The following TYW1 variants were observed in gnomAD, a reference collection of about 807,000 sequenced individuals.
TYW1 encodes tRNA-yW synthesizing protein 1 homolog.
TYW1 carries 46 observed loss-of-function variants against 96.2 expected under a neutral mutation model. The observed-to-expected ratio is 0.48, with a 90% CI of 0.38 to 0.61. The LOEUF (loss-of-function observed/expected upper bound fraction) is 0.61. Ranked by LOEUF, TYW1 falls within the 20% of genes least tolerant of loss-of-function variation. The probability of loss-of-function intolerance (pLI) is 0.00; values close to 1 mark genes in which losing one functional copy is unlikely to be tolerated. For missense variants in TYW1, 684 were observed against 909.6 expected, an observed-to-expected ratio of 0.75 and a Z score of 3.19; for synonymous variants, 274 against 323.0, an observed-to-expected ratio of 0.85 and a Z score of 1.63.
intron 13 of TYW1, among the ~76,000 whole-genome samples, chr7:67,136,861 C>T (rs770350942): frequency 6.6e-6 from 1 of 151,988 alleles, no homozygotes; most frequent in Non-Finnish European, 1.5e-5. Flanking sequence ...TTCACTCTGT[C>T]GCCCAGGCTG....
At chr7:67,130,952 G>A (rs1421231893) in intron 13 of TYW1, among the ~76,000 whole-genome samples, 1 of 152,130 alleles carries the variant, frequency 6.6e-6, no homozygotes, top group Non-Finnish European at 1.5e-5. Context: ...AAGGCAAGAT[G>A]TGTGTTATGC....
intron 4 of TYW1, among the ~76,000 whole-genome samples, chr7:67,012,457 C>T (rs955092226): frequency 2.4e-4 from 37 of 152,048 alleles, no homozygotes; most frequent in African/African-American, 8.0e-4. Flanking sequence ...ATTTCTTTGT[C>T]CCCCAAGAAA....
At chr7:67,208,699 A>AAC (rs775140510) in intron 15 of TYW1, among the ~76,000 whole-genome samples, 4 of 151,962 alleles carry the variant, frequency 2.6e-5, no homozygotes, top group African/African-American at 9.7e-5. Context: ...CAAAAAAAAA[A>AAC]AAAAAAAAAA....
intron 11 of TYW1, among the ~76,000 whole-genome samples, chr7:67,097,153 G>A (rs1043746779): frequency 5.9e-5 from 9 of 151,892 alleles, no homozygotes; most frequent in East Asian, 5.8e-4. Flanking sequence ...CAGAAACTGC[G>A]AATTGCCTGC....
chr7:67,091,262 T>A lies in TYW1; in HGVS notation c.1385-7279T>A, dbSNP rs13246308. On this transcript the variant is annotated intron_variant, in intron 11 of 15. Coordinates refer to ENST00000359626, the MANE Select transcript of TYW1 (RefSeq NM_018264.4). ...AAAAAGGATGAATTCATGTTTTTTT[T>A]AGGGACATGGATGAAGCTGGAAACC... 7.3e-5 allele frequency among the ~76,000 whole-genome samples: 11 copies of A among 151,192 alleles called. No homozygotes were observed. In the South Asian group the frequency reaches 8.4e-4, roughly 12 times the overall value.
chr7:67,216,827 T>C (rs1176588798), intron 15 of TYW1, among the ~76,000 whole-genome samples: 3 of 151,722 alleles, frequency 2.0e-5, no homozygotes, highest in African/African-American at 7.3e-5. Flanking sequence ...TGATTTCTTA[T>C]TCAATCTATG....
intron 6 of TYW1, among the ~76,000 whole-genome samples, chr7:67,020,454 G>T (rs1023195941): frequency 2.0e-5 from 3 of 152,016 alleles, no homozygotes; most frequent in African/African-American, 7.2e-5. Flanking sequence ...TAGCCAGGAT[G>T]GTCTCAATCT....
chr7:67,224,808 G>A (rs1376222615), intron 15 of TYW1, among the ~76,000 whole-genome samples: 2 of 152,178 alleles, frequency 1.3e-5, no homozygotes, highest in Non-Finnish European at 2.9e-5. Context: ...CACTATACAT[G>A]CCATAACTCA....
Position 67,089,382 on chromosome 7 carries a change from C to T in TYW1, c.1384+5843C>T, listed in dbSNP as rs951549254. 4.1e-6 allele frequency: 5 copies of T among 1,221,436 alleles called. No homozygotes were observed. In the African/African-American group the frequency reaches 4.5e-5, roughly 11 times the overall value. The allele number at this position is 1,221,436 out of a possible 1,614,324, so 75.7% of individuals were successfully genotyped here. A position where few individuals can be genotyped will look rare whatever the true frequency, so the allele number is the denominator to read the frequency against. On this transcript the variant is annotated intron_variant, in intron 11 of 15. Coordinates refer to ENST00000359626, the MANE Select transcript of TYW1 (RefSeq NM_018264.4). Reference sequence around the variant, plus strand: ...CAAGGCTTAGGTATCCAGTGCAGGGCATCTGGTGGGGAGGCCTGCTGGTAA... The same window carrying T: ...CAAGGCTTAGGTATCCAGTGCAGGGTATCTGGTGGGGAGGCCTGCTGGTAA...
intron 11 of TYW1, among the ~76,000 whole-genome samples, chr7:67,093,990 T>C (rs1164509663): frequency 1.3e-5 from 2 of 152,204 alleles, no homozygotes; most frequent in Admixed American, 1.3e-4. Flanking sequence ...ATTTTTCAAC[T>C]CTCACCCCGT....
chr7:67,048,036 C>T (rs1795242033), intron 7 of TYW1, among the ~76,000 whole-genome samples: 1 of 148,420 alleles, frequency 6.7e-6, no homozygotes, highest in East Asian at 2.0e-4. Context: ...GATCCACCTG[C>T]CTCGGCCTCC....
At position 67,117,578 on chromosome 7, in the gene TYW1, G is replaced by A; in HGVS notation, c.1658G>A (p.Trp553Ter). The change falls in exon 13 of 16, where the codon TGG becomes TAG. Residue 553 changes from tryptophan (W) to a stop codon, truncating the protein, a stop_gained. Transcript: ENST00000359626. LOFTEE classifies it high-confidence loss of function. ...GACCGCCCACTCTTCAAGGATTTCT[G>A]GCAGAGATTCCTTGACAGTTTAAAA... Reference protein sequence around the residue: ...KIDRPLFKDFWQRFLDSLKAL... With the variant: ...KIDRPLFKDF 6.2e-6 allele frequency: 10 copies of A among 1,613,972 alleles called. No homozygotes were observed. Among genetic ancestry groups the A allele is most frequent in the Non-Finnish European group, 8.5e-6 (10 of 1,179,962 alleles).
intron 10 of TYW1, among the ~76,000 whole-genome samples, chr7:67,070,454 A>C (rs749458493): frequency 6.6e-6 from 1 of 150,784 alleles, no homozygotes; most frequent in South Asian, 2.1e-4. Context: ...TTTTTTTTCT[A>C]CTTAGACAAG....
intron 8 of TYW1, among the ~76,000 whole-genome samples, chr7:67,052,441 A>G (rs1795386328): frequency 6.6e-6 from 1 of 152,140 alleles, no homozygotes; most frequent in South Asian, 2.1e-4. Flanking sequence ...TGTTCCGTTA[A>G]TCCTATGTAA....
At chr7:67,020,589 G>A (rs1464627109) in intron 6 of TYW1, among the ~76,000 whole-genome samples, 1 of 152,248 alleles carries the variant, frequency 6.6e-6, no homozygotes. Flanking sequence ...GTTTAAAAGT[G>A]ATTTTTCATT....
At chr7:67,236,590 G>A (rs1333791200) in intron 15 of TYW1, among the ~76,000 whole-genome samples, 1 of 152,230 alleles carries the variant, frequency 6.6e-6, no homozygotes, top group Admixed American at 6.5e-5. Context: ...GAGAGAAAAT[G>A]ATGGTGAGAT....
At chr7:67,111,230 A>G (rs1797397366) in intron 12 of TYW1, among the ~76,000 whole-genome samples, 1 of 151,910 alleles carries the variant, frequency 6.6e-6, no homozygotes, top group South Asian at 2.1e-4. Context: ...CCGAGACGGA[A>G]TCTTGCTCTG....
chr7:67,152,696 G>A (rs1374327894), intron 13 of TYW1, among the ~76,000 whole-genome samples: 7 of 152,098 alleles, frequency 4.6e-5, no homozygotes, highest in Non-Finnish European at 8.8e-5. Flanking sequence ...CAGCCTCCCG[G>A]GTTCAAGTGA....
intron 7 of TYW1, among the ~76,000 whole-genome samples, chr7:67,027,652 C>T (rs1429552047): frequency 2.0e-5 from 3 of 152,062 alleles, no homozygotes; most frequent in African/African-American, 7.2e-5. Flanking sequence ...GGCAGACCTG[C>T]AGGCGCGGTG....
Sources: allele counts gnomAD v4.1 joint callset (sites outside exome capture counted in the v4.1 genomes callset), GRCh38; gene constraint gnomAD v4.1.1; transcripts MANE v1.5; gene names NCBI Gene and HGNC (gene_info 2026-07-23, HGNC 2026-07-21).